Variants in PROS1 observed in about 807,000 individuals in gnomAD.
The protein encoded by PROS1 is protein S.
PROS1 carries 29 observed loss-of-function variants against 75.9 expected under a neutral mutation model. That is an observed-to-expected ratio of 0.38 (90% CI 0.28 to 0.52). The LOEUF (loss-of-function observed/expected upper bound fraction) is 0.52, where lower values mean the gene tolerates loss of function less well. Ranked by LOEUF, PROS1 falls within the 20% of genes least tolerant of loss-of-function variation. The pLI is 0.83. For synonymous variants in PROS1, 245 were observed against 280.6 expected, an observed-to-expected ratio of 0.87 and a Z score of 1.27; for missense variants, 680 against 810.3, an observed-to-expected ratio of 0.84 and a Z score of 1.95.
intron 1 of PROS1, among the ~76,000 whole-genome samples, chr3:93,936,093 C>T (rs570129887): frequency 6.9e-4 from 105 of 151,892 alleles, no homozygotes; most frequent in African/African-American, 2.4e-3. Flanking sequence ...CATCTCCCCC[C>T]CACACCCCTT....
intron 1 of PROS1, among the ~76,000 whole-genome samples, chr3:93,952,772 A>C (rs1391710591): frequency 2.6e-5 from 4 of 152,214 alleles, no homozygotes; most frequent in Non-Finnish European, 5.9e-5. Context: ...ACCCTTCAAA[A>C]AATCAGTGAA....
At chr3:93,897,975 C>T (rs1040805776) in intron 8 of PROS1, among the ~76,000 whole-genome samples, 1 of 152,052 alleles carries the variant, frequency 6.6e-6, no homozygotes, top group African/African-American at 2.4e-5. Context: ...TAAAAGGGTA[C>T]ATTAAAACTG....
intron 10 of PROS1, among the ~76,000 whole-genome samples, chr3:93,886,873 G>A (rs1708355726): frequency 6.6e-6 from 1 of 150,818 alleles, no homozygotes; most frequent in East Asian, 1.9e-4. Flanking sequence ...GCAATTGTCT[G>A]ATAATACGCA....
chr3:93,881,283 C>T (rs1029605791), intron 12 of PROS1, among the ~76,000 whole-genome samples: 1 of 152,132 alleles, frequency 6.6e-6, no homozygotes, highest in African/African-American at 2.4e-5. Context: ...GATTGCACCA[C>T]TGCACTCCAG....
At chr3:93,913,694 T>C (rs1708795219) in intron 3 of PROS1, among the ~76,000 whole-genome samples, 1 of 152,202 alleles carries the variant, frequency 6.6e-6, no homozygotes, top group South Asian at 2.1e-4. Flanking sequence ...TATCCAGTCT[T>C]GGGTATGTCT....
intron 2 of PROS1, among the ~76,000 whole-genome samples, chr3:93,925,683 G>A (rs1709005660): frequency 6.6e-6 from 1 of 151,826 alleles, no homozygotes; most frequent in Non-Finnish European, 1.5e-5. Context: ...AATTAGCCAG[G>A]TGTGGGGCTG....
At chr3:93,928,831 C>T in intron 1 of PROS1, 1 of 850,244 alleles carries the variant, frequency 1.2e-6, no homozygotes, top group Non-Finnish European at 1.7e-6. Flanking sequence ...ATCATATAAA[C>T]CATCACTACA....
chr3:93,880,463 G>A (rs1241258939), intron 12 of PROS1, among the ~76,000 whole-genome samples: 2 of 151,960 alleles, frequency 1.3e-5, no homozygotes, highest in African/African-American at 4.8e-5. Context: ...CTGAGATCAC[G>A]CCACTGCACT....
At chr3:93,949,709 G>T (rs530603175) in intron 1 of PROS1, among the ~76,000 whole-genome samples, 1 of 152,146 alleles carries the variant, frequency 6.6e-6, no homozygotes, top group East Asian at 1.9e-4. Context: ...TGAAAGAAAC[G>T]AGAAAGGAGT....
Position 93,904,123 on chromosome 3 carries a change from T to C in PROS1, c.601+1661A>G, listed in dbSNP as rs1203335918. Among the ~76,000 whole-genome samples the C allele has an allele frequency of 3.3e-5, 5 of 152,042 alleles. No individual in the cohort carries two copies. In the East Asian group the frequency reaches 9.6e-4, roughly 29 times the overall value. ...GAATGATGATTTCCAATTTCATCCA[T>C]GTCCCTACAAAGGACATGAACTCAT... is the stretch of plus-strand genomic sequence containing the variant. On this transcript the variant is annotated intron_variant, in intron 6 of 14. Coordinates refer to ENST00000394236, the MANE Select transcript of PROS1 (RefSeq NM_000313.4).
intron 4 of PROS1, among the ~76,000 whole-genome samples, chr3:93,908,149 G>T (rs1212347134): frequency 1.3e-5 from 2 of 152,072 alleles, no homozygotes; most frequent in South Asian, 2.1e-4. Flanking sequence ...AAAAGAAAAA[G>T]AAATTAAAAT....
intron 2 of PROS1, among the ~76,000 whole-genome samples, chr3:93,926,027 C>T (rs1307136530): frequency 6.6e-6 from 1 of 151,950 alleles, no homozygotes; most frequent in Admixed American, 6.6e-5. Flanking sequence ...TGCTTAGAGG[C>T]TAAGCTGATA....
intron 1 of PROS1, among the ~76,000 whole-genome samples, chr3:93,956,508 CTCTG>C (rs1709601556): frequency 1.4e-5 from 2 of 147,312 alleles, no homozygotes; most frequent in Admixed American, 7.0e-5. Flanking sequence ...CTCTCTCTCT[CTCTG>C]TCTCTCTCTC....
chr3:93,952,455 G>GA (rs1709517504), intron 1 of PROS1, among the ~76,000 whole-genome samples: 1 of 152,070 alleles, frequency 6.6e-6, no homozygotes, highest in African/African-American at 2.4e-5. Context: ...CATGGAAACT[G>GA]AACAACCTGC....
At chr3:93,928,013 T>TATA (rs1709053137) in intron 1 of PROS1, among the ~76,000 whole-genome samples, 116 of 9,658 alleles carry the variant, frequency 0.012, 1 homozygote, top group African/African-American at 0.05. Flanking sequence ...ATATATATAT[T>TATA]TTTTTTTTTT....
intron 1 of PROS1, among the ~76,000 whole-genome samples, chr3:93,945,935 T>C (rs1379078862): frequency 3.9e-5 from 6 of 152,178 alleles, no homozygotes; most frequent in Non-Finnish European, 5.9e-5. Flanking sequence ...AAAATCTCCT[T>C]AAGCTGATAA....
chr3:93,952,799 T>C (rs914941407), intron 1 of PROS1, among the ~76,000 whole-genome samples: 49 of 152,292 alleles, frequency 3.2e-4, no homozygotes, highest in African/African-American at 1.1e-3. Flanking sequence ...AGCTGGCTTT[T>C]TGAAAAGATC....
chr3:93,973,848 G>A lies in PROS1; in HGVS notation c.-99C>T. The A allele has an allele frequency of 9.8e-7, 1 of 1,018,020 alleles. No homozygotes were observed. The highest frequency in any genetic ancestry group is 1.3e-6 in the Non-Finnish European group (1 of 750,166). The allele number at this position is 1,018,020 out of a possible 1,614,324, so 63.1% of individuals were successfully genotyped here. ...GCTGCGAGCCTGTGCGCCTCGGTCT[G>A]AGCCGTGCTGCGCGGCGGCGCCAGC... On this transcript the variant is annotated 5_prime_UTR_variant, in exon 1 of 15. Transcript: ENST00000394236.
At chr3:93,961,247 A>C (rs576445411) in intron 1 of PROS1, among the ~76,000 whole-genome samples, 22 of 152,354 alleles carry the variant, frequency 1.4e-4, no homozygotes, top group Non-Finnish European at 2.6e-4. Context: ...GAGGAGAAGC[A>C]GGGAAAGGTC....
Sources: gnomAD v4.1 joint callset for allele counts (sites outside exome capture counted in the v4.1 genomes callset) on GRCh38, gnomAD v4.1.1 for gene constraint, MANE v1.5 for transcripts, NCBI Gene and HGNC (gene_info 2026-07-23, HGNC 2026-07-21) for gene names.